The following DLG2 variants were observed in gnomAD, a reference collection of about 807,000 sequenced individuals.
The protein encoded by DLG2 is disks large homolog 2.
Under a neutral mutation model 132.5 loss-of-function variants are expected in DLG2, and 45 were observed. The ratio of observed to expected loss-of-function variants is 0.34; its 90% CI spans 0.27 to 0.44. DLG2 has a LOEUF of 0.44. Ranked by LOEUF, DLG2 falls within the 20% of genes least tolerant of loss-of-function variation. The pLI is 1.00. For missense variants in DLG2, 1,045 were observed against 1,196.9 expected (o/e 0.87, Z 1.87); for synonymous variants, 424 against 419.6 (o/e 1.01, Z -0.13).
intron 6 of DLG2, among the ~76,000 whole-genome samples, chr11:84,733,979 T>C (rs1448697104): frequency 2.6e-5 from 4 of 152,172 alleles, no homozygotes. Flanking sequence ...AGGGCTCTGT[T>C]CTGTTCCATT....
Position 83,694,081 on chromosome 11 carries a change from T to C in DLG2, c.1826-60756A>G, listed in dbSNP as rs140911891. 1.8e-4 allele frequency among the ~76,000 whole-genome samples: 27 copies of C among 152,324 alleles called. No individual in the cohort carries two copies. The East Asian group carries it at 5.2e-3, about 29-fold the overall frequency. ...TAATACATAAGTATTATTGGTCCAC[T>C]TGAGAGCTATTGAAACTGAGGCTCA... On this transcript the variant is annotated intron_variant, in intron 18 of 27. Transcript: ENST00000376104.
chr11:84,090,319 C>T (rs1385026661), intron 10 of DLG2, among the ~76,000 whole-genome samples: 2 of 146,456 alleles, frequency 1.4e-5, no homozygotes, highest in African/African-American at 5.1e-5. Flanking sequence ...GAGGCTGAGG[C>T]AGGAGAATCG....
intron 18 of DLG2, among the ~76,000 whole-genome samples, chr11:83,645,214 AAGGAGCTGCCATTGAG>A (rs2067804932): frequency 6.6e-6 from 1 of 152,136 alleles, no homozygotes; most frequent in Admixed American, 6.6e-5. Flanking sequence ...TGAGAACAGA[AAGGAGCTGCCATTGAG>A]AGGAAGAAAA....
chr11:84,737,246 T>C (rs1222425045), intron 6 of DLG2, among the ~76,000 whole-genome samples: 2 of 152,004 alleles, frequency 1.3e-5, no homozygotes, highest in African/African-American at 4.8e-5. Context: ...CTGGATTCCA[T>C]TTGCTAAAAT....
chr11:83,881,099 C>T (rs1217354302), intron 15 of DLG2, among the ~76,000 whole-genome samples: 1 of 152,096 alleles, frequency 6.6e-6, no homozygotes, highest in East Asian at 1.9e-4. Flanking sequence ...AATATTTAAA[C>T]TGCAGAATGT....
At chr11:84,724,685 G>A (rs1039184760) in intron 6 of DLG2, among the ~76,000 whole-genome samples, 11 of 152,278 alleles carry the variant, frequency 7.2e-5, no homozygotes, top group African/African-American at 2.6e-4. Context: ...GACAGGGCGA[G>A]ATTAAGTAAT....
intron 8 of DLG2, among the ~76,000 whole-genome samples, chr11:84,177,088 C>T (rs73517739): frequency 1.0e-3 from 155 of 152,094 alleles, no homozygotes; most frequent in African/African-American, 3.7e-3. Flanking sequence ...GCAAAAAGCA[C>T]CAAGGATTGA....
chr11:85,042,002 G>T (rs570285052), intron 6 of DLG2, among the ~76,000 whole-genome samples: 3 of 151,778 alleles, frequency 2.0e-5, no homozygotes, highest in Admixed American at 1.3e-4. Flanking sequence ...CCAGTGACAG[G>T]TATACTAAAA....
intron 6 of DLG2, among the ~76,000 whole-genome samples, chr11:84,568,859 G>A (rs761542049): frequency 9.2e-5 from 14 of 152,280 alleles, no homozygotes; most frequent in Non-Finnish European, 2.1e-4. Context: ...AGCCTACCTC[G>A]TGGCTCCACC....
At chr11:84,022,106 T>G (rs1260372867) in intron 11 of DLG2, among the ~76,000 whole-genome samples, 1 of 152,106 alleles carries the variant, frequency 6.6e-6, no homozygotes, top group Non-Finnish European at 1.5e-5. Context: ...GCAGGCACCA[T>G]TACAGATGAA....
At chr11:83,833,907 C>T (rs1181298780) in intron 16 of DLG2, 137 bp from the exon 17 acceptor site, 2 of 900,862 alleles carry the variant, frequency 2.2e-6, no homozygotes, top group African/African-American at 3.3e-5. Context: ...AACATTTGCA[C>T]ATCAAGAAAG....
intron 6 of DLG2, among the ~76,000 whole-genome samples, chr11:85,075,870 C>T (rs1267632020): frequency 6.6e-6 from 1 of 151,806 alleles, no homozygotes; most frequent in African/African-American, 2.4e-5. Flanking sequence ...TCAAGGGCAA[C>T]TTGTCTACAA....
intron 9 of DLG2, among the ~76,000 whole-genome samples, chr11:84,132,098 C>T (rs989913468): frequency 2.0e-5 from 3 of 151,960 alleles, no homozygotes; most frequent in Admixed American, 6.6e-5. Flanking sequence ...CCAACCCTTT[C>T]TACATTCTAG....
At chr11:84,176,815 A>C (rs1380522590) in intron 8 of DLG2, among the ~76,000 whole-genome samples, 2 of 152,074 alleles carry the variant, frequency 1.3e-5, no homozygotes, top group Non-Finnish European at 2.9e-5. Flanking sequence ...TGATAGGATA[A>C]GTTTCTAACA....
chr11:84,630,030 T>C (rs913756532), intron 6 of DLG2, among the ~76,000 whole-genome samples: 1 of 152,182 alleles, frequency 6.6e-6, no homozygotes, highest in Non-Finnish European at 1.5e-5. Flanking sequence ...TGAGGTACAA[T>C]AGAGACACAT....
At chr11:84,016,311 T>C (rs997670569) in intron 11 of DLG2, among the ~76,000 whole-genome samples, 1 of 152,170 alleles carries the variant, frequency 6.6e-6, no homozygotes, top group Non-Finnish European at 1.5e-5. Context: ...GTAAAATTTT[T>C]CTCCTATTCT....
intron 7 of DLG2, among the ~76,000 whole-genome samples, chr11:84,497,264 A>G (rs1454382526): frequency 6.6e-6 from 1 of 152,178 alleles, no homozygotes; most frequent in Non-Finnish European, 1.5e-5. Flanking sequence ...CAATTTTATT[A>G]TATGAAATCT....
At chr11:85,401,089 A>G (rs986705361) in intron 3 of DLG2, among the ~76,000 whole-genome samples, 1 of 152,114 alleles carries the variant, frequency 6.6e-6, no homozygotes, top group Non-Finnish European at 1.5e-5. Flanking sequence ...AAAATCCTCT[A>G]TAAAATACTG....
intron 7 of DLG2, among the ~76,000 whole-genome samples, chr11:84,364,861 T>G (rs1049253465): frequency 6.6e-6 from 1 of 152,132 alleles, no homozygotes. Flanking sequence ...GGGATGAAGC[T>G]CACTTGATCA....
Sources: allele counts gnomAD v4.1 joint callset (sites outside exome capture counted in the v4.1 genomes callset), GRCh38; gene constraint gnomAD v4.1.1; transcripts MANE v1.5; gene names NCBI Gene and HGNC (gene_info 2026-07-23, HGNC 2026-07-21).